RIT2: variants seen among roughly 807,000 people sequenced by gnomAD.
RIT2 encodes Ras like without CAAX 2, also known as GTP-binding protein Rit2.
A neutral mutation model predicts 23.7 loss-of-function variants in RIT2; 24 were observed. The observed-to-expected ratio is 1.01, with a 90% CI of 0.73 to 1.43. RIT2 has a LOEUF of 1.43. Among genes scored for constraint, RIT2 ranks in the 40% most tolerant of loss-of-function variants. The probability of loss-of-function intolerance (pLI) is 0.00; values close to 1 mark genes in which losing one functional copy is unlikely to be tolerated. For missense variants in RIT2, 236 were observed against 266.9 expected (o/e 0.88, Z 0.81); for synonymous variants, 107 against 91.1 (o/e 1.17, Z -0.99).
intron 1 of RIT2, among the ~76,000 whole-genome samples, chr18:43,054,912 A>G (rs1226305895): frequency 6.6e-6 from 1 of 152,036 alleles, no homozygotes; most frequent in Non-Finnish European, 1.5e-5. Context: ...TCATGGTGAT[A>G]TATGTGTTTT....
In RIT2 at chr18:43,052,174, T is replaced by C. The variant is rs545234137; in HGVS notation, c.104-18307A>G. Among the ~76,000 whole-genome samples, 19 of 152,246 alleles carry C rather than the reference T, an allele frequency of 1.2e-4. No homozygotes were observed. The East Asian group carries it at 3.5e-3, about 28-fold the overall frequency. On this transcript the variant is annotated intron_variant, in intron 1 of 4. Transcript: ENST00000326695. ...CGACAACTTATTTTCCTTCTCTCAA[T>C]GTCAACCTTTAATTATGGAATTAAC...
At chr18:43,084,467 A>G (rs188585302) in intron 1 of RIT2, among the ~76,000 whole-genome samples, 1 of 152,312 alleles carries the variant, frequency 6.6e-6, no homozygotes, top group Non-Finnish European at 1.5e-5. Context: ...TTACAGTAGC[A>G]ATGACTTGGA....
intron 4 of RIT2, among the ~76,000 whole-genome samples, chr18:42,799,942 T>G (rs1905478218): frequency 6.6e-6 from 1 of 151,924 alleles, no homozygotes; most frequent in African/African-American, 2.4e-5. Context: ...TAATTTATTA[T>G]AATTGGAATT....
At chr18:42,962,424 G>T (rs1910113650) in intron 3 of RIT2, among the ~76,000 whole-genome samples, 1 of 152,176 alleles carries the variant, frequency 6.6e-6, no homozygotes, top group Admixed American at 6.5e-5. Context: ...ATTCCCATTA[G>T]ATAAGATTAT....
intron 3 of RIT2, among the ~76,000 whole-genome samples, chr18:42,924,507 C>G (rs9962413): frequency 0.022 from 3,360 of 152,088 alleles, 153 homozygotes; most frequent in African/African-American, 0.077. Flanking sequence ...AATTTGGAAA[C>G]TTCTTTTAAG....
intron 4 of RIT2, among the ~76,000 whole-genome samples, chr18:42,795,161 C>G (rs954183129): frequency 1.3e-5 from 2 of 152,198 alleles, no homozygotes; most frequent in East Asian, 3.9e-4. Flanking sequence ...TTGAGGAGCC[C>G]TTCAGCCCAC....
At chr18:43,047,041 C>T (rs1284261964) in intron 1 of RIT2, among the ~76,000 whole-genome samples, 3 of 152,112 alleles carry the variant, frequency 2.0e-5, no homozygotes, top group Admixed American at 6.6e-5. Flanking sequence ...ATTACTCACA[C>T]ATCAATTAAT....
At chr18:42,878,996 G>A (rs1473408198) in intron 4 of RIT2, among the ~76,000 whole-genome samples, 1 of 151,984 alleles carries the variant, frequency 6.6e-6, no homozygotes, top group Non-Finnish European at 1.5e-5. Context: ...CTTTGTTTAT[G>A]TTTCTATGTA....
chr18:42,947,890 T>C (rs1229732118), intron 3 of RIT2, among the ~76,000 whole-genome samples: 1 of 152,146 alleles, frequency 6.6e-6, no homozygotes, highest in Non-Finnish European at 1.5e-5. Flanking sequence ...GAGTAGGTGC[T>C]ATTACTTTAA....
chr18:42,755,332 T>C (rs1913137378), intron 4 of RIT2, among the ~76,000 whole-genome samples: 1 of 152,176 alleles, frequency 6.6e-6, no homozygotes. Context: ...ATTCGATACA[T>C]GCTCAGTACA....
At chr18:43,031,599 C>T (rs139758279) in intron 2 of RIT2, among the ~76,000 whole-genome samples, 17 of 152,074 alleles carry the variant, frequency 1.1e-4, no homozygotes, top group Admixed American at 1.0e-3. Flanking sequence ...GGGATGAACA[C>T]TGGTATCAAA....
chr18:42,788,457 T>C lies in RIT2; in HGVS notation c.427-44737A>G, dbSNP rs1310567634. Among the ~76,000 whole-genome samples, 8 of 152,190 alleles carry C rather than the reference T, an allele frequency of 5.3e-5. No individual in the cohort carries two copies. The East Asian group carries it at 1.2e-3, about 22-fold the overall frequency. On this transcript the variant is annotated intron_variant, in intron 4 of 4. Transcript: ENST00000326695. ...CACATTTTGTTACACTTAGAATTCA[T>C]TGGTCAATCTTGCAATTTGAATGAA...
chr18:42,782,888 A>C (rs995258300), intron 4 of RIT2, among the ~76,000 whole-genome samples: 6 of 152,108 alleles, frequency 3.9e-5, no homozygotes, highest in Admixed American at 1.3e-4. Flanking sequence ...CAGGCAAAGA[A>C]CAAGCAAGAT....
At chr18:42,920,124 T>C (rs1909017400) in intron 4 of RIT2, among the ~76,000 whole-genome samples, 1 of 152,128 alleles carries the variant, frequency 6.6e-6, no homozygotes, top group East Asian at 1.9e-4. Flanking sequence ...AACTGCCCAC[T>C]CCAAACCCAA....
intron 4 of RIT2, among the ~76,000 whole-genome samples, chr18:42,761,061 T>G (rs1272249940): frequency 1.3e-5 from 2 of 152,244 alleles, no homozygotes; most frequent in African/African-American, 2.4e-5. Context: ...ATCACAGTTA[T>G]GTTTAATCAA....
At position 43,115,543 on chromosome 18, in the gene RIT2, A is replaced by G. The variant is rs1339015923; in HGVS notation, c.-24T>C. ...ATCTTACCCGAGGGACCGGAGGAAAAAAAGAAGGAGAAAGTCACCCGTGTC... is the reference window on the plus strand; with the variant it reads ...ATCTTACCCGAGGGACCGGAGGAAAGAAAGAAGGAGAAAGTCACCCGTGTC... On this transcript the variant is annotated 5_prime_UTR_variant, in exon 1 of 5. Transcript: ENST00000326695. 6.2e-7 allele frequency: 1 copy of G among 1,601,602 alleles called. No homozygotes were observed. The highest frequency in any genetic ancestry group is 8.5e-7 in the Non-Finnish European group (1 of 1,176,638).
intron 1 of RIT2, among the ~76,000 whole-genome samples, chr18:43,082,676 C>T (rs1913184610): frequency 6.7e-6 from 1 of 148,160 alleles, no homozygotes; most frequent in Admixed American, 6.8e-5. Flanking sequence ...TAAAATTCAA[C>T]ACCTCTTCAT....
chr18:42,775,590 G>T (rs1017992365), intron 4 of RIT2, among the ~76,000 whole-genome samples: 1 of 151,944 alleles, frequency 6.6e-6, no homozygotes, highest in Admixed American at 6.6e-5. Flanking sequence ...CCAGCTACTC[G>T]GGAGGCTGAG....
intron 1 of RIT2, among the ~76,000 whole-genome samples, chr18:43,102,445 C>CT (rs200839354): frequency 0.18 from 19,717 of 108,958 alleles, 2,112 homozygotes; most frequent in Non-Finnish European, 0.23. Flanking sequence ...TCAGGAAACC[C>CT]TTTTTTTTTT....
Sources: gnomAD v4.1 joint callset for allele counts (sites outside exome capture counted in the v4.1 genomes callset) on GRCh38, gnomAD v4.1.1 for gene constraint, MANE v1.5 for transcripts, NCBI Gene and HGNC (gene_info 2026-07-23, HGNC 2026-07-21) for gene names.